The following EIF4G1 variants were observed in gnomAD, a reference collection of about 807,000 sequenced individuals.
EIF4G1 encodes the protein eukaryotic translation initiation factor 4 gamma 1.
In EIF4G1, 4 loss-of-function variants were observed where a neutral mutation model predicts 187.8. The ratio of observed to expected loss-of-function variants is 0.02; its 90% CI spans 0.01 to 0.05. The LOEUF (loss-of-function observed/expected upper bound fraction) is 0.05, where lower values mean the gene tolerates loss of function less well. EIF4G1 is among the 10% of genes least tolerant of loss of function. The pLI is 1.00. For synonymous variants in EIF4G1, 844 were observed against 781.4 expected (o/e 1.08, Z -1.34); for missense variants, 1,647 against 2,081.1 (o/e 0.79, Z 4.06).
Position 184,316,659 on chromosome 3 carries a change from C to T in EIF4G1, c.147+441C>T. ...TGTCTTATTGCCTTCATTCCCTCCC[C>T]CCGCCATCACCTTGGGGGTAATTCT... is the stretch of plus-strand genomic sequence containing the variant. On this transcript the variant is annotated intron_variant, in intron 4 of 32. Coordinates refer to ENST00000346169, the MANE Select transcript of EIF4G1 (RefSeq NM_198241.3). The T allele has an allele frequency of 1.3e-5, 20 of 1,545,552 alleles. 1 individual carries two copies. In the South Asian group the frequency reaches 1.6e-4, roughly 13 times the overall value.
At chr3:184,315,982 C>T (rs1722706329) in intron 3 of EIF4G1, 126 bp downstream of exon 3, 2 of 1,520,974 alleles carry the variant, frequency 1.3e-6, no homozygotes, top group South Asian at 2.5e-5. Flanking sequence ...TGAGACAGGG[C>T]CCCTGGGCTG....
In EIF4G1 at chr3:184,334,831, A is replaced by G; in HGVS notation, c.4723A>G (p.Lys1575Glu). 6.2e-7 allele frequency: 1 copy of G among 1,614,216 alleles called. No homozygotes were observed. Among genetic ancestry groups the G allele is most frequent in the Non-Finnish European group, 8.5e-7 (1 of 1,180,022 alleles). ...CAAGGACCCCGCTGAGCAGCAGGGC[A>G]AGGGTGTGGCCCTTAAATCTGTCAC... The part of the protein sequence containing the change: ...SSKDPAEQQG[K>E]GVALKSVTAF... The change falls in exon 33 of 33, where the codon AAG becomes GAG. Residue 1575 changes from lysine (K) to glutamate (E), a missense_variant. Physicochemically the swap from Lys to Glu is moderately conservative, Grantham distance 56. Transcript: ENST00000346169. This position sits in a 1 kb window ranked among gnomAD's most constrained non-coding sequence, Gnocchi z 5.8.
At position 184,331,327 on chromosome 3, in the gene EIF4G1, C is replaced by G. The variant is rs1268346170; in HGVS notation, c.4223C>G (p.Pro1408Arg). Reference sequence around the variant, plus strand: ...GGGCTTAGCTGGAAGGAATTTCTACCTGAAGGCCAGGACATTGGTGCATTC... The same window carrying G: ...GGGCTTAGCTGGAAGGAATTTCTACGTGAAGGCCAGGACATTGGTGCATTC... ...EAGLSWKEFL[P>R]EGQDIGAFVA... Residue 1408 changes from proline (P) to arginine (R), a missense_variant, in exon 29 of 33, where the codon CCT (proline) becomes CGT (arginine). This residue lies in a region of EIF4G1 where 543 missense variants were observed against 638.0 expected (regional missense o/e 0.85). Transcript: ENST00000346169. The G allele has an allele frequency of 1.2e-6, 2 of 1,614,226 alleles. No individual in the cohort carries two copies. Among genetic ancestry groups the G allele is most frequent in the Non-Finnish European group, 1.7e-6 (2 of 1,180,038 alleles).
chr3:184,316,790 C>T, intron 4 of EIF4G1: 1 of 1,550,546 alleles, frequency 6.4e-7, no homozygotes, highest in Non-Finnish European at 8.8e-7. Flanking sequence ...ACCCTCCACC[C>T]TAGTCAGGGG....
In EIF4G1 at chr3:184,324,830, G is replaced by A. The variant is rs760159723; in HGVS notation, c.2620-48G>A. 21 of 1,595,342 alleles carry A rather than the reference G, an allele frequency of 1.3e-5. No individual in the cohort carries two copies. The Admixed American group carries it at 1.3e-4, about 10-fold the overall frequency. ...ATCCAGGTAGAAAAGGGTTTTAGCCGAGTGGCTGGTTATCTTTTTGACACA... is the reference window on the plus strand; with the variant it reads ...ATCCAGGTAGAAAAGGGTTTTAGCCAAGTGGCTGGTTATCTTTTTGACACA... On this transcript the variant is annotated intron_variant, in intron 17 of 32. Coordinates refer to ENST00000346169, the MANE Select transcript of EIF4G1 (RefSeq NM_198241.3).
Position 184,320,715 on chromosome 3 carries a change from C to T in EIF4G1, c.623C>T (p.Pro208Leu). Residue 208 changes from proline (P) to leucine (L), a missense_variant, in exon 8 of 33, where the codon CCT (proline) becomes CTT (leucine). Coordinates refer to ENST00000346169, the MANE Select transcript of EIF4G1 (RefSeq NM_198241.3). ...GCCCGCACTGCCTCCACACCCACCC[C>T]TCCCCAGGTACTGTCTGCTTTTCGA... The part of the protein sequence containing the change: ...SGARTASTPT[P>L]PQTGGGLEPQ... The T allele has an allele frequency of 6.2e-7, 1 of 1,614,186 alleles. No individual in the cohort carries two copies. The highest frequency in any genetic ancestry group is 8.5e-7 in the Non-Finnish European group (1 of 1,180,030).
intron 1 of EIF4G1, chr3:184,315,268 C>A: frequency 2.2e-6 from 1 of 451,666 alleles, no homozygotes; most frequent in Non-Finnish European, 4.5e-6. Flanking sequence ...GCAGGCCTAG[C>A]TTCTGGCCCA....
chr3:184,320,430 G>A, intron 7 of EIF4G1, 200 bp from the exon 8 acceptor site: 1 of 1,482,614 alleles, frequency 6.7e-7, no homozygotes, highest in Non-Finnish European at 8.9e-7. Context: ...TGAGATCAAG[G>A]GTCTCTTAAG....
At chr3:184,324,020 A>T (rs1724385837) in intron 16 of EIF4G1, 43 bp downstream of exon 16, 1 of 1,612,308 alleles carries the variant, frequency 6.2e-7, no homozygotes, top group African/African-American at 1.3e-5. Context: ...CTGGTTGCCC[A>T]TTCCTATTCC....
intron 3 of EIF4G1, 124 bp from the exon 4 acceptor site, chr3:184,315,996 CCGGGGGCTGTCA>C: frequency 6.5e-7 from 1 of 1,530,096 alleles, no homozygotes; most frequent in Non-Finnish European, 8.8e-7. Context: ...TGGGCTGTCC[CCGGGGGCTGTCA>C]CGGGGAGGGG....
chr3:184,321,196 G>T, intron 9 of EIF4G1, 86 bp from the exon 10 acceptor site: 1 of 1,573,914 alleles, frequency 6.4e-7, no homozygotes, highest in South Asian at 1.1e-5. Flanking sequence ...TTATTAAGTT[G>T]GGAATGCCTG....
rs767862478 is a variant in EIF4G1, at chr3:184,322,946, C to T, written c.1921C>T (p.Leu641=). The part of the protein sequence containing the change: ...EGLPHISDVV[L]DKANKTPLRP... Reference sequence around the variant, plus strand: ...ATTGCCACATATCAGTGACGTGGTGCTGGACAAGGTTAGTGGCTTCAGTTG... The same window carrying T: ...ATTGCCACATATCAGTGACGTGGTGTTGGACAAGGTTAGTGGCTTCAGTTG... Residue 641 remains leucine, a synonymous_variant, in exon 13 of 33, where the codon CTG becomes TTG. Transcript: ENST00000346169. The T allele has an allele frequency of 5.6e-6, 9 of 1,614,150 alleles. 2 individuals carry two copies. The South Asian group carries it at 9.9e-5, about 18-fold the overall frequency.
Position 184,327,873 on chromosome 3 carries a change from T to A in EIF4G1, c.3824T>A (p.Leu1275His), listed in dbSNP as rs550525876. ...CVQELASPSL[L>H]FIFVRHGVES... The stretch of plus-strand genomic sequence containing the variant: ...CAGGAGCTGGCCTCACCCTCCTTGC[T>A]CTTCATCTTTGTACGGCATGGTGTC... Residue 1275 changes from leucine (L) to histidine (H), a missense_variant, in exon 26 of 33, where the codon CTC (leucine) becomes CAC (histidine). Transcript: ENST00000346169. 120 of 1,613,996 alleles carry A rather than the reference T, an allele frequency of 7.4e-5. 2 individuals are homozygous for A. In the Middle Eastern group the frequency reaches 3.1e-3, roughly 42 times the overall value.
chr3:184,324,035 A>G, intron 16 of EIF4G1, 58 bp downstream of exon 16: 2 of 1,609,590 alleles, frequency 1.2e-6, no homozygotes, highest in Non-Finnish European at 1.7e-6. Flanking sequence ...TATTCCCAAG[A>G]CTCCTTGAGT....
Position 184,327,953 on chromosome 3 carries a change from C to T in EIF4G1, c.3904C>T (p.His1302Tyr), listed in dbSNP as rs1183546711. ...TCGTGAGCATATGGGGCAGCTGCTG[C>T]ACCAGCTGCTCTGTGCTGGGCATCT... The part of the protein sequence containing the change: ...IAREHMGQLL[H>Y]QLLCAGHLST... The change falls in exon 26 of 33, where the codon CAC (histidine) becomes TAC (tyrosine). Residue 1302 changes from histidine (H) to tyrosine (Y), a missense_variant. This residue lies in a region of EIF4G1 where 543 missense variants were observed against 638.0 expected (regional missense o/e 0.85). Coordinates refer to ENST00000346169, the MANE Select transcript of EIF4G1 (RefSeq NM_198241.3). 2 of 1,610,966 alleles carry T rather than the reference C, an allele frequency of 1.2e-6. No individual in the cohort carries two copies. The highest frequency in any genetic ancestry group is 1.3e-5 in the African/African-American group (1 of 74,944).
chr3:184,323,212 G>T lies in EIF4G1; in HGVS notation c.2059G>T (p.Gly687Trp). ...TLSTRGPPRGGPGGELPRGPA... is the reference protein window; with the variant it reads ...TLSTRGPPRGWPGGELPRGPA... The stretch of plus-strand genomic sequence containing the variant: ...TAGCACCCGTGGGCCCCCAAGGGGT[G>T]GGCCAGGTGGGGAGCTGCCCCGTGG... Residue 687 changes from glycine (G) to tryptophan (W), a missense_variant, in exon 14 of 33, where the codon GGG becomes TGG. Physicochemically the swap from Gly to Trp is radical, Grantham distance 184. Around this residue, in one of 11 missense-constraint regions of EIF4G1, gnomAD observed 140 missense variants for 222.2 expected, o/e 0.63. Coordinates refer to ENST00000346169, the MANE Select transcript of EIF4G1 (RefSeq NM_198241.3). This position sits in a 1 kb window ranked among gnomAD's most constrained non-coding sequence, Gnocchi z 6.9. 1 of 1,614,216 alleles carries T rather than the reference G, an allele frequency of 6.2e-7. No homozygotes were observed. The highest frequency in any genetic ancestry group is 8.5e-7 in the Non-Finnish European group (1 of 1,180,016).
At chr3:184,326,034 G>A (rs909232304) in intron 21 of EIF4G1, 83 bp downstream of exon 21, 16 of 1,423,242 alleles carry the variant, frequency 1.1e-5, no homozygotes, top group Admixed American at 3.4e-5. Context: ...GAAGGTGACA[G>A]CTGAATGTTT....
At chr3:184,326,137 AACACACAC>A (rs34901174) in intron 21 of EIF4G1, among the ~76,000 whole-genome samples, 186 bp downstream of exon 21, 41 of 147,054 alleles carry the variant, frequency 2.8e-4, no homozygotes, top group Admixed American at 1.5e-3. Flanking sequence ...GTGTTTGGCA[AACACACAC>A]ACACACACAC....
At position 184,321,582 on chromosome 3, in the gene EIF4G1, A is replaced by G; in HGVS notation, c.998A>G (p.Lys333Arg). 1 of 1,614,112 alleles carries G rather than the reference A, an allele frequency of 6.2e-7. No individual in the cohort carries two copies. The highest frequency in any genetic ancestry group is 8.5e-7 in the Non-Finnish European group (1 of 1,179,984). ...PILEVEVTLS[K>R]PVPESEFSSS... ...CTGGAAGTAGAAGTGACACTTAGCAAACCGGTTCCAGAATCTGAGTTTTCT... is the reference window on the plus strand; with the variant it reads ...CTGGAAGTAGAAGTGACACTTAGCAGACCGGTTCCAGAATCTGAGTTTTCT... The change falls in exon 10 of 33, where the codon AAA becomes AGA. Residue 333 changes from lysine to arginine, a missense_variant. This residue lies in a region of EIF4G1 where 522 missense variants were observed against 485.2 expected (regional missense o/e 1.08). Coordinates refer to ENST00000346169, the MANE Select transcript of EIF4G1 (RefSeq NM_198241.3).
Sources: gnomAD v4.1 joint callset for allele counts (sites outside exome capture counted in the v4.1 genomes callset) on GRCh38, gnomAD v4.1.1 for gene constraint, gnomAD v4.1.1 regional missense constraint, Gnocchi (gnomAD v3.1) non-coding constraint, MANE v1.5 for transcripts, NCBI Gene and HGNC (gene_info 2026-07-23, HGNC 2026-07-21) for gene names.